The following RALYL variants were observed in gnomAD, a reference collection of about 807,000 sequenced individuals.
RALYL encodes RNA-binding Raly-like protein.
RALYL carries 29 observed loss-of-function variants against 35.1 expected under a neutral mutation model. The ratio of observed to expected loss-of-function variants is 0.83; its 90% confidence interval spans 0.61 to 1.13. RALYL has a LOEUF of 1.13. Among genes scored for constraint, RALYL ranks in the 50% most tolerant of loss-of-function variants. The probability of loss-of-function intolerance (pLI) is 0.00; values close to 1 mark genes in which losing one functional copy is unlikely to be tolerated. For missense variants in RALYL, 359 were observed against 360.4 expected (o/e 1.00, Z 0.03); for synonymous variants, 120 against 127.6 (o/e 0.94, Z 0.40).
intron 5 of RALYL, among the ~76,000 whole-genome samples, chr8:84,855,396 T>C (rs181431176): frequency 6.6e-5 from 10 of 152,366 alleles, no homozygotes; most frequent in East Asian, 3.9e-4. Flanking sequence ...AACCCTTAGA[T>C]AGTTTTAGCT....
chr8:84,469,508 C>T (rs1470217703), intron 1 of RALYL, among the ~76,000 whole-genome samples: 1 of 152,198 alleles, frequency 6.6e-6, no homozygotes, highest in Non-Finnish European at 1.5e-5. Context: ...GTCCTGAGAT[C>T]TCCAGCTGCG....
intron 1 of RALYL, among the ~76,000 whole-genome samples, chr8:84,335,162 C>G (rs1465404208): frequency 6.6e-6 from 1 of 152,114 alleles, no homozygotes; most frequent in Non-Finnish European, 1.5e-5. Context: ...AAAGAATACT[C>G]TAGTGGAACA....
chr8:84,756,169 A>G (rs1811369593), intron 2 of RALYL, among the ~76,000 whole-genome samples: 1 of 152,058 alleles, frequency 6.6e-6, no homozygotes, highest in Non-Finnish European at 1.5e-5. Context: ...ATCCCCCCCA[A>G]AAAAACCAAT....
intron 7 of RALYL, among the ~76,000 whole-genome samples, chr8:84,884,327 G>T (rs969303410): frequency 6.6e-6 from 1 of 152,010 alleles, no homozygotes; most frequent in Non-Finnish European, 1.5e-5. Context: ...ATTACATTCA[G>T]CTGGGAAGAT....
intron 4 of RALYL, among the ~76,000 whole-genome samples, chr8:84,841,863 TGAC>T (rs1455491488): frequency 2.0e-5 from 3 of 152,188 alleles, no homozygotes; most frequent in East Asian, 3.9e-4. Flanking sequence ...TGCTCCTGAA[TGAC>T]TACTGGGTAC....
intron 6 of RALYL, among the ~76,000 whole-genome samples, chr8:84,871,003 C>T (rs1044157740): frequency 6.6e-6 from 1 of 152,168 alleles, no homozygotes; most frequent in East Asian, 1.9e-4. Flanking sequence ...TGCTGCCCCC[C>T]CATTCTAAGA....
At chr8:84,407,403 C>G (rs2043650066) in intron 1 of RALYL, among the ~76,000 whole-genome samples, 1 of 152,040 alleles carries the variant, frequency 6.6e-6, no homozygotes, top group African/African-American at 2.4e-5. Context: ...TTCAAACATG[C>G]AAAAGTAGAG....
chr8:84,572,712 G>T lies in RALYL; in HGVS notation c.256+43135G>T, dbSNP rs931565220. 9.2e-5 allele frequency among the ~76,000 whole-genome samples: 14 copies of T among 151,864 alleles called. No homozygotes were observed. In the South Asian group the frequency reaches 2.9e-3, roughly 31 times the overall value. The stretch of plus-strand genomic sequence containing the variant: ...TTGATGCACGTTAGAATACGTGAAA[G>T]AGCAAAAGAAGCAAGTGAAAAATTT... On this transcript the variant is annotated intron_variant, in intron 2 of 8. Coordinates refer to ENST00000521268, the MANE Select transcript of RALYL (RefSeq NM_173848.7).
At chr8:84,516,403 A>G (rs2058068445) in intron 1 of RALYL, among the ~76,000 whole-genome samples, 1 of 139,098 alleles carries the variant, frequency 7.2e-6, no homozygotes. Flanking sequence ...TTTAAATTTC[A>G]TAAATGAAAC....
intron 1 of RALYL, among the ~76,000 whole-genome samples, chr8:84,347,052 T>C (rs1306060766): frequency 6.6e-6 from 1 of 151,790 alleles, no homozygotes; most frequent in Non-Finnish European, 1.5e-5. Flanking sequence ...ACAAAAAAAC[T>C]TAGCCAGGCT....
intron 1 of RALYL, among the ~76,000 whole-genome samples, chr8:84,348,792 T>C (rs1291347695): frequency 1.5e-5 from 2 of 136,936 alleles, no homozygotes; most frequent in East Asian, 3.9e-4. Context: ...TTATGGTGTA[T>C]GTATGTTCGG....
intron 1 of RALYL, among the ~76,000 whole-genome samples, chr8:84,346,628 C>G (rs1185745454): frequency 6.6e-6 from 1 of 151,992 alleles, no homozygotes; most frequent in African/African-American, 2.4e-5. Flanking sequence ...GCCACCATGT[C>G]CAGCTAATTT....
chr8:84,577,709 G>A (rs1462684781), intron 2 of RALYL, among the ~76,000 whole-genome samples: 1 of 152,062 alleles, frequency 6.6e-6, no homozygotes, highest in African/African-American at 2.4e-5. Flanking sequence ...CTAGGGAAAT[G>A]TGAGAAAATA....
chr8:84,847,685 C>G (rs1039815777), intron 4 of RALYL, among the ~76,000 whole-genome samples: 3 of 152,102 alleles, frequency 2.0e-5, no homozygotes, highest in African/African-American at 7.2e-5. Context: ...CCATGACTGC[C>G]AGACAAAAGT....
At chr8:84,603,248 A>G (rs1446245388) in intron 2 of RALYL, among the ~76,000 whole-genome samples, 1 of 152,014 alleles carries the variant, frequency 6.6e-6, no homozygotes, top group Non-Finnish European at 1.5e-5. Context: ...GAAATTCTTA[A>G]TTCCCCCAAA....
intron 1 of RALYL, among the ~76,000 whole-genome samples, chr8:84,232,780 A>C (rs1825655116): frequency 6.6e-6 from 1 of 152,102 alleles, no homozygotes; most frequent in African/African-American, 2.4e-5. Context: ...TATAATATGA[A>C]TGTGTGATTA....
intron 8 of RALYL, among the ~76,000 whole-genome samples, chr8:84,897,662 T>A (rs910860211): frequency 2.0e-5 from 3 of 152,204 alleles, no homozygotes; most frequent in Non-Finnish European, 4.4e-5. Flanking sequence ...TGTGGTTTTA[T>A]GAAAACCGAG....
At chr8:84,545,467 T>C (rs2060292569) in intron 2 of RALYL, among the ~76,000 whole-genome samples, 1 of 152,156 alleles carries the variant, frequency 6.6e-6, no homozygotes, top group African/African-American at 2.4e-5. Context: ...AATATTATAT[T>C]CTAATTGGGC....
intron 5 of RALYL, among the ~76,000 whole-genome samples, chr8:84,859,578 G>A (rs879921799): frequency 6.6e-6 from 1 of 152,154 alleles, no homozygotes; most frequent in Non-Finnish European, 1.5e-5. Context: ...AGCCAGGCTT[G>A]GTGGCTCATG....
Sources: gnomAD v4.1 joint callset for allele counts (sites outside exome capture counted in the v4.1 genomes callset) on GRCh38, gnomAD v4.1.1 for gene constraint, MANE v1.5 for transcripts, NCBI Gene and HGNC (gene_info 2026-07-23, HGNC 2026-07-21) for gene names.